NPM2: variants seen among roughly 807,000 people sequenced by gnomAD.
NPM2 encodes nucleoplasmin-2.
Under a neutral mutation model 32.0 loss-of-function variants are expected in NPM2, and 25 were observed. The ratio of observed to expected loss-of-function variants is 0.78; its 90% confidence interval spans 0.57 to 1.09. The LOEUF is 1.09. Ranked by LOEUF, NPM2 falls within the 50% of genes least tolerant of loss-of-function variation. The pLI is 0.00. For synonymous variants in NPM2, 111 were observed against 94.2 expected, an observed-to-expected ratio of 1.18 and a Z score of -1.04; for missense variants, 282 against 259.9, an observed-to-expected ratio of 1.08 and a Z score of -0.58.
At chr8:22,028,343 T>TA in intron 5 of NPM2, among the ~76,000 whole-genome samples, 1 of 6,790 alleles carries the variant, frequency 1.5e-4, no homozygotes, top group African/African-American at 4.5e-4. Context: ...CCAAAAAGAT[T>TA]TTTTTTTTTT....
At position 22,025,247 on chromosome 8, in the gene NPM2, C is replaced by G. The variant is rs202192184; in HGVS notation, c.-2C>G. The G allele has an allele frequency of 1.2e-6, 2 of 1,611,620 alleles. No individual in the cohort carries two copies. The highest frequency in any genetic ancestry group is 1.1e-5 in the South Asian group (1 of 90,740). The stretch of plus-strand genomic sequence containing the variant: ...GGCCAGCCCGCTTCTCTGCCCGGAG[C>G]CATGAATCTCAGTAGCGCCAGTAGC... On this transcript the variant is annotated 5_prime_UTR_variant, in exon 3 of 10. Transcript: ENST00000518119.
intron 5 of NPM2, among the ~76,000 whole-genome samples, chr8:22,029,266 C>G (rs1800356707): frequency 6.6e-6 from 1 of 152,158 alleles, no homozygotes; most frequent in South Asian, 2.1e-4. Context: ...GCCTCAGCCT[C>G]CCAAGTAGCT....
At chr8:22,035,348 A>C (rs1320057043) in intron 8 of NPM2, among the ~76,000 whole-genome samples, 1 of 152,190 alleles carries the variant, frequency 6.6e-6, no homozygotes, top group Non-Finnish European at 1.5e-5. Context: ...ATCATGGCTC[A>C]CTGCAGCCTT....
rs1189867494 is a variant in NPM2, at chr8:22,024,509, A to C, written c.-255A>C. The C allele has an allele frequency of 6.6e-6, 1 of 152,312 alleles. No homozygotes were observed. The highest frequency in any genetic ancestry group is 1.5e-5 in the Non-Finnish European group (1 of 68,120). 9.4% of individuals were successfully genotyped at this position (152,312 alleles called of 1,614,324 possible). ...TCACGAAAGGTCCTGGGCCGGCATC[A>C]TCAGCCTCACCTGGGAACTGGTTAG... is the stretch of plus-strand genomic sequence containing the variant. On this transcript the variant is annotated 5_prime_UTR_variant, in exon 1 of 10. Coordinates refer to ENST00000518119, the MANE Select transcript of NPM2 (RefSeq NM_001286680.2).
Position 22,036,832 on chromosome 8 carries a change from C to A in NPM2, c.*150C>A. The A allele has an allele frequency of 2.7e-6, 2 of 753,996 alleles. No homozygotes were observed. The highest frequency in any genetic ancestry group is 4.1e-6 in the Non-Finnish European group (2 of 487,956). The allele number at this position is 753,996 out of a possible 1,614,324, so 46.7% of individuals were successfully genotyped here. The stretch of plus-strand genomic sequence containing the variant: ...ATGAGAGCCCCTCACCCCCAACTCT[C>A]CACTTTCAGGAGGCCCCCAGTGAAG... On this transcript the variant is annotated 3_prime_UTR_variant, in exon 10 of 10. Coordinates refer to ENST00000518119, the MANE Select transcript of NPM2 (RefSeq NM_001286680.2).
At chr8:22,027,515 C>T (rs955893402) in intron 5 of NPM2, among the ~76,000 whole-genome samples, 1 of 152,054 alleles carries the variant, frequency 6.6e-6, no homozygotes, top group African/African-American at 2.4e-5. Context: ...TCCACATATT[C>T]AATTTTTATC....
chr8:22,024,966 G>A (rs752812430), intron 2 of NPM2, 136 bp downstream of exon 2: 7 of 462,190 alleles, frequency 1.5e-5, no homozygotes, highest in Admixed American at 8.4e-5. Context: ...TCAAGCCTGA[G>A]CTCGGTGGAC....
chr8:22,028,268 C>T (rs1800320852), intron 5 of NPM2, among the ~76,000 whole-genome samples: 4 of 151,416 alleles, frequency 2.6e-5, no homozygotes, highest in Admixed American at 2.6e-4. Context: ...ATATGGTTTG[C>T]AAACCTAAAA....
Position 22,036,715 on chromosome 8 carries a change from G to C in NPM2, c.*33G>C, listed in dbSNP as rs1188269274. 6.5e-7 allele frequency: 1 copy of C among 1,537,458 alleles called. No individual in the cohort carries two copies. The highest frequency in any genetic ancestry group is 8.7e-7 in the Non-Finnish European group (1 of 1,143,174). ...CGCCTTGGGGGGCACGGTGCAAAGTGGGCCTTCCCTGGGCTGTGCTGCAGG... is the reference window on the plus strand; with the variant it reads ...CGCCTTGGGGGGCACGGTGCAAAGTCGGCCTTCCCTGGGCTGTGCTGCAGG... On this transcript the variant is annotated 3_prime_UTR_variant, in exon 10 of 10. Transcript: ENST00000518119.
chr8:22,035,913 A>G (rs1413738091), intron 8 of NPM2, among the ~76,000 whole-genome samples: 2 of 151,466 alleles, frequency 1.3e-5, no homozygotes, highest in Non-Finnish European at 2.9e-5. Flanking sequence ...AGCCTGGGCA[A>G]CAGAGCAAGA....
intron 2 of NPM2, 120 bp downstream of exon 2, chr8:22,024,950 G>A (rs2117441661): frequency 2.3e-6 from 1 of 428,392 alleles, no homozygotes. Flanking sequence ...ACCTCCCCGC[G>A]GCCTTTCAAG....
chr8:22,029,051 A>G (rs1481726276), intron 5 of NPM2, among the ~76,000 whole-genome samples: 1 of 151,898 alleles, frequency 6.6e-6, no homozygotes, highest in African/African-American at 2.4e-5. Context: ...TTTATCTTTA[A>G]TTTTTTTAAC....
chr8:22,033,061 G>A (rs1298703738), intron 5 of NPM2, 69 bp from the exon 6 acceptor site: 19 of 1,125,860 alleles, frequency 1.7e-5, no homozygotes, highest in Non-Finnish European at 2.0e-5. Context: ...CAGTATTTCT[G>A]CCTGAGGCTA....
chr8:22,029,804 A>G (rs773440172), intron 5 of NPM2, among the ~76,000 whole-genome samples: 6 of 152,168 alleles, frequency 3.9e-5, no homozygotes, highest in Admixed American at 6.5e-5. Context: ...CTGGTTCCCA[A>G]TGTTGCTGTT....
chr8:22,029,346 G>A (rs184291211), intron 5 of NPM2, among the ~76,000 whole-genome samples: 135 of 152,214 alleles, frequency 8.9e-4, no homozygotes, highest in African/African-American at 3.1e-3. Flanking sequence ...GATTCACCAC[G>A]TTGGCCAGGC....
chr8:22,036,439 T>C (rs1800622830), intron 8 of NPM2, 54 bp from the exon 9 acceptor site: 1 of 1,568,574 alleles, frequency 6.4e-7, no homozygotes, highest in African/African-American at 1.4e-5. Flanking sequence ...GGTCTGGAGC[T>C]GAGCTCTCTC....
intron 5 of NPM2, among the ~76,000 whole-genome samples, chr8:22,030,655 C>CATAT (rs147948317): frequency 3.3e-5 from 5 of 150,490 alleles, no homozygotes; most frequent in African/African-American, 1.2e-4. Context: ...TAAACATATA[C>CATAT]ATATATATAT....
intron 5 of NPM2, among the ~76,000 whole-genome samples, chr8:22,026,109 G>C (rs1237106935): frequency 2.0e-5 from 3 of 152,196 alleles, no homozygotes; most frequent in Non-Finnish European, 4.4e-5. Context: ...CCTCCCGTCA[G>C]ATCAGAGCGG....
At chr8:22,033,830 C>T (rs1800522601) in intron 6 of NPM2, among the ~76,000 whole-genome samples, 1 of 152,192 alleles carries the variant, frequency 6.6e-6, no homozygotes, top group Non-Finnish European at 1.5e-5. Flanking sequence ...ATATGAATCC[C>T]CCTCCTACCC....
Sources: allele counts gnomAD v4.1 joint callset (sites outside exome capture counted in the v4.1 genomes callset), GRCh38; gene constraint gnomAD v4.1.1; transcripts MANE v1.5; gene names NCBI Gene and HGNC (gene_info 2026-07-23, HGNC 2026-07-21).